SLC13A3: variants seen among roughly 807,000 people sequenced by gnomAD.
SLC13A3 encodes Na(+)/dicarboxylate cotransporter 3.
A neutral mutation model predicts 59.0 loss-of-function variants in SLC13A3; 40 were observed. That is an observed-to-expected ratio of 0.68 (90% CI 0.53 to 0.88). The LOEUF is 0.88. Among genes scored for constraint, SLC13A3 ranks in the 40% least tolerant of loss-of-function variants. The pLI is 0.00. For missense variants in SLC13A3, 699 were observed against 783.2 expected (o/e 0.89, Z 1.28); for synonymous variants, 317 against 330.3 (o/e 0.96, Z 0.44).
upstream of SLC13A3, among the ~76,000 whole-genome samples, chr20:46,674,894 G>A (rs562756054): frequency 4.1e-4 from 62 of 152,206 alleles, no homozygotes; most frequent in Non-Finnish European, 7.1e-4. Context: ...GCTGTGGGGG[G>A]CCATGATGCG....
At chr20:46,634,974 A>T (rs572605581) in intron 1 of SLC13A3, among the ~76,000 whole-genome samples, 1 of 152,096 alleles carries the variant, frequency 6.6e-6, no homozygotes, top group Admixed American at 6.5e-5. Context: ...TGCTAATGGG[A>T]GGCCTTTCTC....
At chr20:46,650,545 T>C (rs977902591) in intron 1 of SLC13A3, among the ~76,000 whole-genome samples, 1 of 152,226 alleles carries the variant, frequency 6.6e-6, no homozygotes, top group Admixed American at 6.5e-5. Context: ...ATTTATTCTG[T>C]ACAAGGTTTA....
chr20:46,600,072 G>A, intron 3 of SLC13A3, 35 bp from the exon 4 acceptor site: 5 of 1,520,248 alleles, frequency 3.3e-6, no homozygotes, highest in Non-Finnish European at 4.5e-6. Flanking sequence ...TTAATGTAAT[G>A]TAGCGAATGG....
chr20:46,560,095 C>T lies in SLC13A3; in HGVS notation c.1736G>A (p.Trp579Ter). 1 of 1,614,138 alleles carries T rather than the reference C, an allele frequency of 6.2e-7. No homozygotes were observed. The highest frequency in any genetic ancestry group is 8.5e-7 in the Non-Finnish European group (1 of 1,180,036). Reference protein sequence around the residue: ...TIFQLGTFPDWADMYSVNVTA... With the variant: ...TIFQLGTFPD Reference sequence around the variant, plus strand: ...GACATTGACCGAGTACATATCAGCCCAGTCCGGGAAGGTGCCCAGCTGGAA... The same window carrying T: ...GACATTGACCGAGTACATATCAGCCTAGTCCGGGAAGGTGCCCAGCTGGAA... The change falls in exon 13 of 13, where the codon TGG becomes TAG. Residue 579 changes from tryptophan to a stop codon, truncating the protein, a stop_gained. Transcript: ENST00000279027. LOFTEE classifies it low-confidence loss of function (END_TRUNC).
chr20:46,612,935 G>A (rs1179246180), intron 2 of SLC13A3, among the ~76,000 whole-genome samples: 1 of 152,120 alleles, frequency 6.6e-6, no homozygotes, highest in Admixed American at 6.5e-5. Flanking sequence ...CATCTAGGCA[G>A]GTAAATAGCA....
Position 46,574,888 on chromosome 20 carries a change from A to G in SLC13A3, c.1332+685T>C, listed in dbSNP as rs139510523. On this transcript the variant is annotated intron_variant, in intron 10 of 12. Transcript: ENST00000279027. Reference sequence around the variant, plus strand: ...GGTCTCGCTCTGTCACCCAGGCTGGAGTACAGTATTATGATCATGACTCCA... The same window carrying G: ...GGTCTCGCTCTGTCACCCAGGCTGGGGTACAGTATTATGATCATGACTCCA... Among the ~76,000 whole-genome samples the G allele has an allele frequency of 3.7e-3, 527 of 144,380 alleles. 3 individuals are homozygous for G. Among genetic ancestry groups the G allele is most frequent in the African/African-American group, 0.013 (487 of 38,864 alleles). The allele number at this position is 144,380 out of a possible 152,430, so 94.7% of individuals were successfully genotyped here. A position where few individuals can be genotyped will look rare whatever the true frequency, so the allele number is the denominator to read the frequency against.
chr20:46,568,401 C>CAAAAAA (rs66526539), intron 10 of SLC13A3, among the ~76,000 whole-genome samples: 18 of 58,702 alleles, frequency 3.1e-4, no homozygotes, highest in Non-Finnish European at 3.6e-4. Flanking sequence ...GACTCCATCT[C>CAAAAAA]AAAAAAAAAA....
At chr20:46,663,583 A>G (rs1208800415) in intron 1 of SLC13A3, among the ~76,000 whole-genome samples, 2 of 152,242 alleles carry the variant, frequency 1.3e-5, no homozygotes, top group Non-Finnish European at 1.5e-5. Flanking sequence ...CGTGAATAAT[A>G]ATGGCCACAC....
At chr20:46,588,568 A>C (rs951473527) in intron 7 of SLC13A3, among the ~76,000 whole-genome samples, 1 of 152,136 alleles carries the variant, frequency 6.6e-6, no homozygotes, top group Non-Finnish European at 1.5e-5. Flanking sequence ...ACAGAGAGAG[A>C]GAGAGACAGA....
At chr20:46,597,310 T>C (rs1055965360) in intron 4 of SLC13A3, among the ~76,000 whole-genome samples, 2 of 152,192 alleles carry the variant, frequency 1.3e-5, no homozygotes, top group Admixed American at 1.3e-4. Flanking sequence ...TGAAATGATG[T>C]CCGCTATTCT....
chr20:46,656,288 TATATA>T (rs1401968485), upstream of SLC13A3, among the ~76,000 whole-genome samples: 2 of 77,412 alleles, frequency 2.6e-5, no homozygotes, highest in African/African-American at 6.9e-5. Flanking sequence ...TATTATACTG[TATATA>T]ATATACTATA....
intron 12 of SLC13A3, among the ~76,000 whole-genome samples, chr20:46,561,717 G>A (rs1448175931): frequency 2.0e-5 from 3 of 150,726 alleles, no homozygotes; most frequent in African/African-American, 4.9e-5. Flanking sequence ...ATATTACCAC[G>A]GACGGGTGGG....
chr20:46,652,001 GC>G (rs1416575566), upstream of SLC13A3, among the ~76,000 whole-genome samples: 1 of 152,198 alleles, frequency 6.6e-6, no homozygotes, highest in Non-Finnish European at 1.5e-5. Flanking sequence ...AAAACCAAAT[GC>G]CGCATGTTTT....
chr20:46,575,089 T>A (rs2062061947), intron 10 of SLC13A3, among the ~76,000 whole-genome samples: 1 of 152,054 alleles, frequency 6.6e-6, no homozygotes, highest in Non-Finnish European at 1.5e-5. Flanking sequence ...TGCAGTGAGC[T>A]GTGTTGGCAC....
rs187311937 is a variant in SLC13A3, at chr20:46,616,383, C to T, written c.112-2658G>A. On this transcript the variant is annotated intron_variant, in intron 1 of 12. Transcript: ENST00000279027. Reference sequence around the variant, plus strand: ...GTTCTCTCCCTCCCTTCCACCTATCCTGGCAGCCCCTAAACCTCCCCGATT... The same window carrying T: ...GTTCTCTCCCTCCCTTCCACCTATCTTGGCAGCCCCTAAACCTCCCCGATT... Among the ~76,000 whole-genome samples, 48 of 152,308 alleles carry T rather than the reference C, an allele frequency of 3.2e-4. 1 individual carries two copies. The South Asian group carries it at 4.8e-3, about 15-fold the overall frequency.
chr20:46,629,092 A>G (rs1036556005), intron 1 of SLC13A3, among the ~76,000 whole-genome samples: 1 of 152,240 alleles, frequency 6.6e-6, no homozygotes, highest in African/African-American at 2.4e-5. Context: ...GATATTATGA[A>G]TAAATTTGGA....
chr20:46,631,880 GC>G (rs990477902), intron 1 of SLC13A3, among the ~76,000 whole-genome samples: 1 of 152,044 alleles, frequency 6.6e-6, no homozygotes, highest in African/African-American at 2.4e-5. Context: ...TTTTCCTACT[GC>G]CCCCCAACTT....
intron 9 of SLC13A3, among the ~76,000 whole-genome samples, chr20:46,579,236 T>C (rs1015333884): frequency 1.3e-5 from 2 of 152,088 alleles, no homozygotes; most frequent in Non-Finnish European, 2.9e-5. Context: ...TCCTCAATCT[T>C]CCTGCCTCAG....
intron 1 of SLC13A3, 143 bp downstream of exon 1, chr20:46,651,168 C>A (rs1017413460): frequency 1.5e-6 from 2 of 1,314,156 alleles, no homozygotes; most frequent in South Asian, 2.0e-5. Context: ...CAGCGGTCCG[C>A]GGCAGGTGCA....
Sources: allele counts gnomAD v4.1 joint callset (sites outside exome capture counted in the v4.1 genomes callset), GRCh38; gene constraint gnomAD v4.1.1; transcripts MANE v1.5; gene names NCBI Gene and HGNC (gene_info 2026-07-23, HGNC 2026-07-21).